TCF4: variants seen among roughly 807,000 people sequenced by gnomAD.
The protein encoded by TCF4 is SL3-3 enhancer factor 2.
TCF4 carries 3 observed loss-of-function variants against 82.1 expected under a neutral mutation model. The observed-to-expected ratio is 0.04, with a 90% CI of 0.02 to 0.09. TCF4 has a LOEUF of 0.09. Among genes scored for constraint, TCF4 ranks in the 10% least tolerant of loss-of-function variants. The pLI, the probability that TCF4 is intolerant of heterozygous loss-of-function variation, is 1.00. For missense variants in TCF4, 518 were observed against 852.7 expected (o/e 0.61, Z 4.89); for synonymous variants, 276 against 309.6 (o/e 0.89, Z 1.14).
intron 10 of TCF4, among the ~76,000 whole-genome samples, chr18:55,272,600 A>C (rs1190512460): frequency 6.6e-6 from 1 of 152,152 alleles, no homozygotes; most frequent in Non-Finnish European, 1.5e-5. Flanking sequence ...CATTAGAAAA[A>C]TATAATAACT....
At chr18:55,520,127 G>A (rs143806692) in intron 3 of TCF4, among the ~76,000 whole-genome samples, 1 of 152,176 alleles carries the variant, frequency 6.6e-6, no homozygotes, top group African/African-American at 2.4e-5. Flanking sequence ...TTCCATTGAG[G>A]AATAATAATT....
intron 3 of TCF4, chr18:55,482,044 C>A (rs2096444393): frequency 1.3e-5 from 2 of 152,132 alleles, no homozygotes; most frequent in South Asian, 2.1e-4. Context: ...GGAGAAGGGC[C>A]TAGGGGTGAG....
intron 6 of TCF4, among the ~76,000 whole-genome samples, chr18:55,392,384 T>C (rs1006991459): frequency 1.4e-5 from 2 of 147,108 alleles, no homozygotes; most frequent in African/African-American, 2.5e-5. Flanking sequence ...CTCAGAGGGC[T>C]GAGGTGGGAA....
At chr18:55,624,169 G>A (rs2147992597) in intron 2 of TCF4, among the ~76,000 whole-genome samples, 1 of 152,138 alleles carries the variant, frequency 6.6e-6, no homozygotes, top group South Asian at 2.1e-4. Context: ...AATGGTCATT[G>A]TTTTCATCAT....
intron 9 of TCF4, among the ~76,000 whole-genome samples, chr18:55,278,086 CA>C (rs35052005): frequency 0.037 from 5,679 of 152,208 alleles, 358 homozygotes; most frequent in African/African-American, 0.13. Flanking sequence ...CCATTCCATC[CA>C]ATTTTATAGA....
intron 6 of TCF4, among the ~76,000 whole-genome samples, chr18:55,352,404 G>C (rs2082499068): frequency 1.3e-5 from 2 of 152,090 alleles, no homozygotes; most frequent in South Asian, 4.1e-4. Flanking sequence ...TGTTGGATGA[G>C]TCATATATAA....
At chr18:55,620,428 T>G (rs2097716573) in intron 2 of TCF4, among the ~76,000 whole-genome samples, 1 of 152,226 alleles carries the variant, frequency 6.6e-6, no homozygotes. Flanking sequence ...TTATAGACAC[T>G]ATTCCTGGTC....
intron 1 of TCF4, chr18:55,631,416 A>T (rs1568509932): frequency 3.9e-6 from 6 of 1,541,886 alleles, no homozygotes; most frequent in Non-Finnish European, 4.4e-6. Context: ...GATGGTGGAC[A>T]TGTTAGAATG....
chr18:55,468,892 C>G (rs948966413), intron 3 of TCF4, among the ~76,000 whole-genome samples: 3 of 66,400 alleles, frequency 4.5e-5, no homozygotes, highest in Admixed American at 1.5e-4. Context: ...CCCCCCCCCC[C>G]CTTGTTCTAT....
At chr18:55,441,053 G>A (rs966680897) in intron 5 of TCF4, among the ~76,000 whole-genome samples, 1 of 152,108 alleles carries the variant, frequency 6.6e-6, no homozygotes, top group African/African-American at 2.4e-5. Flanking sequence ...GCCTACACAT[G>A]GCCTGCATTT....
intron 9 of TCF4, 43 bp from the exon 10 acceptor site, chr18:55,275,795 C>A: frequency 6.2e-7 from 1 of 1,613,210 alleles, no homozygotes; most frequent in Non-Finnish European, 8.5e-7. Context: ...AGGCATTCAG[C>A]CTTGCCTTAT....
chr18:55,393,285 G>T (rs1269999787), intron 6 of TCF4, among the ~76,000 whole-genome samples: 1 of 152,094 alleles, frequency 6.6e-6, no homozygotes, highest in East Asian at 1.9e-4. Flanking sequence ...GATTGCTTGA[G>T]CCCAGGAGTT....
intron 3 of TCF4, among the ~76,000 whole-genome samples, chr18:55,464,811 T>C (rs1395952397): frequency 1.3e-5 from 2 of 152,226 alleles, no homozygotes; most frequent in Non-Finnish European, 2.9e-5. Context: ...TATTCCATTA[T>C]AAAGCAATGT....
At chr18:55,588,776 A>G (rs2097676074), upstream of TCF4, 1 of 1,072,982 alleles carries the variant, frequency 9.3e-7, no homozygotes, top group Non-Finnish European at 1.2e-6. Context: ...TGGGGGCGAA[A>G]TCTGAATTGC....
Position 55,226,208 on chromosome 18 carries a change from G to A in TCF4, c.*1827C>T, listed in dbSNP as rs886053956. Reference sequence around the variant, plus strand: ...AACAGGAGAACAGATGGAACATTTAGACCATTTCAATGGATTTATGGCATT... The same window carrying A: ...AACAGGAGAACAGATGGAACATTTAAACCATTTCAATGGATTTATGGCATT... On this transcript the variant is annotated 3_prime_UTR_variant, in exon 20 of 20. Coordinates refer to ENST00000354452, the MANE Select transcript of TCF4 (RefSeq NM_001083962.2). 3.3e-5 allele frequency: 5 copies of A among 152,454 alleles called. No homozygotes were observed. The highest frequency in any genetic ancestry group is 7.4e-5 in the Non-Finnish European group (5 of 67,968). The allele number at this position is 152,454 out of a possible 1,614,324, so 9.4% of individuals were successfully genotyped here.
chr18:55,388,844 C>T (rs1486702283), intron 6 of TCF4, among the ~76,000 whole-genome samples: 1 of 152,172 alleles, frequency 6.6e-6, no homozygotes, highest in Non-Finnish European at 1.5e-5. Context: ...CCAGCCTCGG[C>T]TGGGCACAGT....
At chr18:55,399,616 T>C (rs891038460) in intron 6 of TCF4, among the ~76,000 whole-genome samples, 1 of 152,164 alleles carries the variant, frequency 6.6e-6, no homozygotes, top group African/African-American at 2.4e-5. Flanking sequence ...TATATTTCCA[T>C]GCCTTGAATA....
At chr18:55,345,699 T>A (rs2081034201) in intron 8 of TCF4, among the ~76,000 whole-genome samples, 1 of 152,134 alleles carries the variant, frequency 6.6e-6, no homozygotes, top group African/African-American at 2.4e-5. Context: ...CTTTTACGTC[T>A]TACCACACAA....
At chr18:55,266,740 T>C (rs1019864789) in intron 11 of TCF4, 1 of 152,010 alleles carries the variant, frequency 6.6e-6, no homozygotes, top group Non-Finnish European at 1.5e-5. Flanking sequence ...TTGGGTATTA[T>C]AGGGCAAAAG....
Sources: gnomAD v4.1 joint callset for allele counts (sites outside exome capture counted in the v4.1 genomes callset) on GRCh38, gnomAD v4.1.1 for gene constraint, MANE v1.5 for transcripts, NCBI Gene and HGNC (gene_info 2026-07-23, HGNC 2026-07-21) for gene names.